PARD3B: variants seen among roughly 807,000 people sequenced by gnomAD.
PARD3B encodes the protein partitioning defective 3 homolog B.
PARD3B carries 103 observed loss-of-function variants against 130.2 expected under a neutral mutation model. The observed-to-expected ratio is 0.79, with a 90% CI of 0.67 to 0.93. The LOEUF is 0.93. PARD3B is among the 40% of genes least tolerant of loss of function. PARD3B has a pLI of 0.00. For missense variants in PARD3B, 1,609 were observed against 1,499.2 expected (o/e 1.07, Z -1.21); for synonymous variants, 583 against 553.2 (o/e 1.05, Z -0.76).
chr2:205,455,868 A>C (rs536934682), intron 20 of PARD3B, among the ~76,000 whole-genome samples: 1 of 152,132 alleles, frequency 6.6e-6, no homozygotes, highest in African/African-American at 2.4e-5. Flanking sequence ...GATCCACGTA[A>C]CCATTTTTGC....
intron 21 of PARD3B, among the ~76,000 whole-genome samples, chr2:205,529,976 A>T (rs1043231186): frequency 2.6e-5 from 4 of 152,166 alleles, no homozygotes; most frequent in Admixed American, 2.0e-4. Context: ...ACGAAAAATC[A>T]TAACAGATCA....
chr2:205,121,613 G>A lies in PARD3B; in HGVS notation c.829G>A (p.Ala277Thr), dbSNP rs1332646238. The A allele has an allele frequency of 6.2e-7, 1 of 1,612,838 alleles. No homozygotes were observed. Among genetic ancestry groups the A allele is most frequent in the Non-Finnish European group, 8.5e-7 (1 of 1,179,034 alleles). The part of the protein sequence containing the change: ...FAQAQDVFRQ[A>T]MKSPSVLLHV... ...CAGGGCTCAAGATGTCTTCCGCCAG[G>A]CAATGAAATCTCCAAGTGTGCTCCT... Residue 277 changes from alanine (A) to threonine (T), a missense_variant, in exon 8 of 23, where the codon GCA (alanine) becomes ACA (threonine). Coordinates refer to ENST00000406610, the MANE Select transcript of PARD3B (RefSeq NM_001302769.2). This position sits in a 1 kb window ranked among gnomAD's most constrained non-coding sequence, Gnocchi z 5.0.
chr2:204,571,537 C>T (rs1040483537), intron 1 of PARD3B, among the ~76,000 whole-genome samples: 1 of 152,172 alleles, frequency 6.6e-6, no homozygotes, highest in African/African-American at 2.4e-5. Flanking sequence ...TAATAATTCC[C>T]TTCCCATAAG....
intron 7 of PARD3B, among the ~76,000 whole-genome samples, chr2:205,119,646 G>C (rs1290401052): frequency 1.3e-5 from 2 of 152,088 alleles, no homozygotes; most frequent in Admixed American, 1.3e-4. Flanking sequence ...GCCAGGCGTG[G>C]TGGTACGCGC....
At chr2:205,018,000 A>G (rs868536495) in intron 3 of PARD3B, among the ~76,000 whole-genome samples, 34 of 152,310 alleles carry the variant, frequency 2.2e-4, no homozygotes, top group African/African-American at 7.5e-4. Context: ...TTCATTCCTC[A>G]GGTATTCATT....
At chr2:204,845,103 T>A (rs2125594278) in intron 2 of PARD3B, among the ~76,000 whole-genome samples, 1 of 152,192 alleles carries the variant, frequency 6.6e-6, no homozygotes, top group South Asian at 2.1e-4. Context: ...AATAGAAGCA[T>A]GTGTTAAACT....
intron 22 of PARD3B, among the ~76,000 whole-genome samples, chr2:205,561,062 A>G (rs2053115778): frequency 6.6e-6 from 1 of 152,204 alleles, no homozygotes. Flanking sequence ...TAACTTTGAA[A>G]CTTGCAACAA....
At chr2:205,145,115 ATAT>A (rs945161941) in intron 10 of PARD3B, among the ~76,000 whole-genome samples, 1 of 152,190 alleles carries the variant, frequency 6.6e-6, no homozygotes, top group African/African-American at 2.4e-5. Flanking sequence ...GAAGAAAGCT[ATAT>A]TATCTTTATT....
At chr2:205,447,243 G>A (rs2047936441) in intron 20 of PARD3B, among the ~76,000 whole-genome samples, 1 of 152,128 alleles carries the variant, frequency 6.6e-6, no homozygotes, top group Non-Finnish European at 1.5e-5. Flanking sequence ...GCCCATTTTG[G>A]AGACCACTGG....
intron 1 of PARD3B, among the ~76,000 whole-genome samples, chr2:204,550,412 C>CTGTGTGTGTGTGTGTG (rs3051346): frequency 4.2e-5 from 6 of 144,390 alleles, no homozygotes; most frequent in Admixed American, 2.1e-4. Context: ...GGAGGGCTGA[C>CTGTGTGTGTGTGTGTG]TGTGTGTGTG....
chr2:204,564,969 T>G (rs1269799066), intron 1 of PARD3B, among the ~76,000 whole-genome samples: 6 of 152,228 alleles, frequency 3.9e-5, no homozygotes, highest in Non-Finnish European at 8.8e-5. Flanking sequence ...AGCTGGGTCC[T>G]TTTCTTAGAC....
At chr2:204,812,119 A>C (rs774666134) in intron 2 of PARD3B, among the ~76,000 whole-genome samples, 6 of 152,186 alleles carry the variant, frequency 3.9e-5, no homozygotes, top group Non-Finnish European at 5.9e-5. Context: ...TTACATATAC[A>C]TAGCATGCAT....
chr2:205,218,530 G>A (rs1225971646), intron 15 of PARD3B, among the ~76,000 whole-genome samples: 1 of 152,130 alleles, frequency 6.6e-6, no homozygotes, highest in East Asian at 1.9e-4. Context: ...TAAGTATGCA[G>A]AGAGATTGCT....
chr2:204,899,893 T>A (rs1352595836), intron 2 of PARD3B, among the ~76,000 whole-genome samples: 1 of 130,202 alleles, frequency 7.7e-6, no homozygotes, highest in Non-Finnish European at 1.5e-5. Flanking sequence ...TGATAAAAGT[T>A]TTTTTTTTTT....
intron 22 of PARD3B, among the ~76,000 whole-genome samples, chr2:205,579,680 G>T (rs116755078): frequency 6.6e-6 from 1 of 152,194 alleles, no homozygotes; most frequent in Non-Finnish European, 1.5e-5. Flanking sequence ...TGGCGCCTTT[G>T]TTGAGGGGGG....
chr2:205,251,537 G>C (rs1318626884), intron 16 of PARD3B, among the ~76,000 whole-genome samples: 3 of 152,090 alleles, frequency 2.0e-5, no homozygotes, highest in Non-Finnish European at 4.4e-5. Context: ...AAACCATAGG[G>C]TGATTGGATA....
intron 2 of PARD3B, among the ~76,000 whole-genome samples, chr2:204,813,185 G>A (rs1459951780): frequency 6.6e-6 from 1 of 152,126 alleles, no homozygotes; most frequent in African/African-American, 2.4e-5. Context: ...TGGAGTTCCA[G>A]TTACTATACT....
intron 4 of PARD3B, among the ~76,000 whole-genome samples, chr2:205,052,793 T>C (rs558872901): frequency 5.9e-4 from 90 of 152,236 alleles, no homozygotes; most frequent in African/African-American, 2.1e-3. Context: ...ACACATAATA[T>C]GTAAGTTCAA....
chr2:205,446,563 C>CTAATAGAGGCGACTTCGG lies in PARD3B; in HGVS notation c.3044+5893_3044+5910dup, dbSNP rs2047913887. On this transcript the variant is annotated intron_variant, in intron 20 of 22. Coordinates refer to ENST00000406610, the MANE Select transcript of PARD3B (RefSeq NM_001302769.2). This position sits in a 1 kb window ranked among gnomAD's most constrained non-coding sequence, Gnocchi z 4.4. ...TGTGTATGTGGTCCATAGTAGCTTT[C>CTAATAGAGGCGACTTCGG]TAATAGAGGCGACTTCGGTCTCATA... 6.6e-6 allele frequency among the ~76,000 whole-genome samples: 1 copy of CTAATAGAGGCGACTTCGG among 152,040 alleles called. No homozygotes were observed. Among genetic ancestry groups the CTAATAGAGGCGACTTCGG allele is most frequent in the African/African-American group, 2.4e-5 (1 of 41,378 alleles).
Sources: gnomAD v4.1 joint callset for allele counts (sites outside exome capture counted in the v4.1 genomes callset) on GRCh38, gnomAD v4.1.1 for gene constraint, Gnocchi (gnomAD v3.1) non-coding constraint, MANE v1.5 for transcripts, NCBI Gene and HGNC (gene_info 2026-07-23, HGNC 2026-07-21) for gene names.